The following TRMU variants were observed in gnomAD, a reference collection of about 807,000 sequenced individuals.
TRMU encodes the protein mitochondrial tRNA-specific 2-thiouridylase 1.
In TRMU, 49 loss-of-function variants were observed where a neutral mutation model predicts 46.9. The observed-to-expected ratio is 1.05, with a 90% CI of 0.83 to 1.33. The LOEUF is 1.33. Ranked by LOEUF, TRMU falls within the 40% of genes most tolerant of loss-of-function variation. The pLI is 0.00. For synonymous variants in TRMU, 241 were observed against 200.9 expected (o/e 1.20, Z -1.69); for missense variants, 572 against 532.4 (o/e 1.07, Z -0.73).
In TRMU at chr22:46,338,014, A is replaced by ACCAG; in HGVS notation, c.248+75_248+78dup. On this transcript the variant is annotated intron_variant, in intron 2 of 10. Transcript: ENST00000645190. The surrounding 1 kb of genome is among the most constrained non-coding windows in gnomAD (Gnocchi z 4.5). ...ATCCTTGCAGTGGAAGGATCCGGTA[A>ACCAG]CCAGCCAGACCGACGCCTGTGCTGC... 1 of 1,599,432 alleles carries ACCAG rather than the reference A, an allele frequency of 6.3e-7. No individual in the cohort carries two copies.
intron 2 of TRMU, among the ~76,000 whole-genome samples, chr22:46,340,221 T>G (rs2078085671): frequency 6.6e-6 from 1 of 152,198 alleles, no homozygotes; most frequent in Non-Finnish European, 1.5e-5. Context: ...TGTCAGGGTC[T>G]TTCTTTGAGA....
rs1389756817 is a variant in TRMU, at chr22:46,349,894, G to T, written c.479-397G>T. ...ACACATCCTGTGGTTGTTGGAAGAA[G>T]GCACAGCTGACACTATATCAGTGGA... On this transcript the variant is annotated intron_variant, in intron 4 of 10. Coordinates refer to ENST00000645190, the MANE Select transcript of TRMU (RefSeq NM_018006.5). The surrounding 1 kb of genome is among the most constrained non-coding windows in gnomAD (Gnocchi z 4.6). Among the ~76,000 whole-genome samples, 1 of 152,128 alleles carries T rather than the reference G, an allele frequency of 6.6e-6. No individual in the cohort carries two copies. Among genetic ancestry groups the T allele is most frequent in the Non-Finnish European group, 1.5e-5 (1 of 68,030 alleles).
In TRMU at chr22:46,339,465, A is replaced by G. The variant is rs920726430; in HGVS notation, c.248+1521A>G. On this transcript the variant is annotated intron_variant, in intron 2 of 10. Transcript: ENST00000645190. This position sits in a 1 kb window ranked among gnomAD's most constrained non-coding sequence, Gnocchi z 4.8. The stretch of plus-strand genomic sequence containing the variant: ...ACGCCAGCCTGCTATTTTTATTTTC[A>G]TTATTAAAAAGATGAGTCTGGGGAG... Among the ~76,000 whole-genome samples, 1 of 152,118 alleles carries G rather than the reference A, an allele frequency of 6.6e-6. No individual in the cohort carries two copies. Among genetic ancestry groups the G allele is most frequent in the Non-Finnish European group, 1.5e-5 (1 of 68,020 alleles).
Position 46,349,337 on chromosome 22 carries a change from C to A in TRMU, c.479-954C>A, listed in dbSNP as rs543177429. Among the ~76,000 whole-genome samples, 1 of 152,114 alleles carries A rather than the reference C, an allele frequency of 6.6e-6. No individual in the cohort carries two copies. Among genetic ancestry groups the A allele is most frequent in the African/African-American group, 2.4e-5 (1 of 41,418 alleles). On this transcript the variant is annotated intron_variant, in intron 4 of 10. Transcript: ENST00000645190. This position sits in a 1 kb window ranked among gnomAD's most constrained non-coding sequence, Gnocchi z 4.6. ...GCGAGTCATATGTGATGAACTGGGC[C>A]GGCTCCAGTCTCCCCTCTGTAACGT...
chr22:46,354,750 T>A (rs2078544730), intron 8 of TRMU: 1 of 153,060 alleles, frequency 6.5e-6, no homozygotes, highest in Non-Finnish European at 1.5e-5. Context: ...ACCAACGGCC[T>A]CCTGTCCCTG....
chr22:46,337,889 G>C lies in TRMU; in HGVS notation c.193G>C (p.Asp65His). Residue 65 changes from aspartate to histidine, a missense_variant, in exon 2 of 11, where the codon GAC becomes CAC. Asp to His is a moderately conservative substitution (Grantham distance 81). Coordinates refer to ENST00000645190, the MANE Select transcript of TRMU (RefSeq NM_018006.5). Reference protein sequence around the residue: ...EDAYRVCQILDIPFHQVSYVK... With the variant: ...EDAYRVCQILHIPFHQVSYVK... ...TGCTTACAGAGTTTGCCAGATCTTAGACATCCCTTTCCATCAAGTGTCCTA... is the reference window on the plus strand; with the variant it reads ...TGCTTACAGAGTTTGCCAGATCTTACACATCCCTTTCCATCAAGTGTCCTA... The C allele has an allele frequency of 6.2e-7, 1 of 1,614,244 alleles. No homozygotes were observed. Among genetic ancestry groups the C allele is most frequent in the East Asian group, 2.2e-5 (1 of 44,892 alleles).
At chr22:46,346,062 C>T (rs1432482877) in intron 3 of TRMU, among the ~76,000 whole-genome samples, 2 of 152,176 alleles carry the variant, frequency 1.3e-5, no homozygotes, top group Non-Finnish European at 2.9e-5. Flanking sequence ...TGAGCCACCG[C>T]GCCTGGCCTC....
intron 10 of TRMU, chr22:46,356,501 C>G (rs528079557): frequency 2.3e-6 from 1 of 429,746 alleles, no homozygotes; most frequent in African/African-American, 2.0e-5. Context: ...GTGAGGGAAG[C>G]GGAAGCATCC....
chr22:46,351,913 G>T lies in TRMU; in HGVS notation c.652-208G>T. Reference sequence around the variant, plus strand: ...CGCGCAGGGTCAGACCCCGCGGGCCGAGACAATGAGGCGTTCTCTAAGGCT... The same window carrying T: ...CGCGCAGGGTCAGACCCCGCGGGCCTAGACAATGAGGCGTTCTCTAAGGCT... On this transcript the variant is annotated intron_variant, in intron 5 of 10. Coordinates refer to ENST00000645190, the MANE Select transcript of TRMU (RefSeq NM_018006.5). The surrounding 1 kb of genome is among the most constrained non-coding windows in gnomAD (Gnocchi z 6.4). The T allele has an allele frequency of 2.8e-6, 2 of 703,406 alleles. No individual in the cohort carries two copies. The highest frequency in any genetic ancestry group is 1.7e-5 in the African/African-American group (1 of 57,262). The allele number at this position is 703,406 out of a possible 1,614,324, so 43.6% of individuals were successfully genotyped here.
At position 46,350,487 on chromosome 22, in the gene TRMU, A is replaced by G; in HGVS notation, c.651+24A>G. On this transcript the variant is annotated intron_variant, in intron 5 of 10. Transcript: ENST00000645190. This position sits in a 1 kb window ranked among gnomAD's most constrained non-coding sequence, Gnocchi z 4.6. ...AGGTACGAGTGAGCAGTTGCCTTTGATTAGTGCCTGTTTCCCTTTCCCGAC... is the reference window on the plus strand; with the variant it reads ...AGGTACGAGTGAGCAGTTGCCTTTGGTTAGTGCCTGTTTCCCTTTCCCGAC... The G allele has an allele frequency of 6.2e-7, 1 of 1,612,780 alleles. No individual in the cohort carries two copies. The highest frequency in any genetic ancestry group is 8.5e-7 in the Non-Finnish European group (1 of 1,179,886).
intron 1 of TRMU, 33 bp downstream of exon 1, chr22:46,335,879 G>C: frequency 6.5e-7 from 1 of 1,530,422 alleles, no homozygotes; most frequent in South Asian, 1.2e-5. Context: ...CCCCCGCCGA[G>C]CGAATGTGTC....
chr22:46,356,665 C>T, intron 10 of TRMU, 177 bp from the exon 11 acceptor site: 2 of 713,658 alleles, frequency 2.8e-6, no homozygotes, highest in Non-Finnish European at 4.7e-6. Flanking sequence ...CCACTGGGTG[C>T]CCCAGGCCTC....
intron 3 of TRMU, among the ~76,000 whole-genome samples, chr22:46,344,425 T>TA (rs2078199547): frequency 6.6e-6 from 1 of 152,244 alleles, no homozygotes; most frequent in Non-Finnish European, 1.5e-5. Flanking sequence ...TATCTGGAAA[T>TA]ATGTCCTCCC....
Position 46,349,959 on chromosome 22 carries a change from T to A in TRMU, c.479-332T>A, listed in dbSNP as rs930947991. On this transcript the variant is annotated intron_variant, in intron 4 of 10. Transcript: ENST00000645190. This position sits in a 1 kb window ranked among gnomAD's most constrained non-coding sequence, Gnocchi z 4.6. ...ACTAGCTTACTCCATTTTCCAAGATTTGGCTGAATTTATTTTAGGTGTTTT... is the reference window on the plus strand; with the variant it reads ...ACTAGCTTACTCCATTTTCCAAGATATGGCTGAATTTATTTTAGGTGTTTT... 6.6e-6 allele frequency among the ~76,000 whole-genome samples: 1 copy of A among 151,880 alleles called. No homozygotes were observed. The highest frequency in any genetic ancestry group is 2.1e-4 in the South Asian group (1 of 4,826).
chr22:46,352,395 A>T (rs2078458689), intron 7 of TRMU, 65 bp downstream of exon 7: 1 of 1,553,838 alleles, frequency 6.4e-7, no homozygotes, highest in Non-Finnish European at 8.9e-7. Context: ...CAGCTCTGGG[A>T]GACTAGACCA....
rs2078070199 is a variant in TRMU, at chr22:46,339,669, T to C, written c.248+1725T>C. 1.3e-5 allele frequency among the ~76,000 whole-genome samples: 2 copies of C among 152,078 alleles called. No homozygotes were observed. Among genetic ancestry groups the C allele is most frequent in the South Asian group, 2.1e-4 (1 of 4,830 alleles). On this transcript the variant is annotated intron_variant, in intron 2 of 10. Coordinates refer to ENST00000645190, the MANE Select transcript of TRMU (RefSeq NM_018006.5). The surrounding 1 kb of genome is among the most constrained non-coding windows in gnomAD (Gnocchi z 4.8). ...ATACCAGCTGTTGCCCAAAAAACCA[T>C]TGAAATAACAATAAAACGAAATTTA...
At position 46,351,831 on chromosome 22, in the gene TRMU, T is replaced by C; in HGVS notation, c.652-290T>C. 4 of 513,432 alleles carry C rather than the reference T, an allele frequency of 7.8e-6. No homozygotes were observed. The highest frequency in any genetic ancestry group is 5.5e-4 in the Middle Eastern group (1 of 1,818). 31.8% of individuals were successfully genotyped at this position (513,432 alleles called of 1,614,324 possible). On this transcript the variant is annotated intron_variant, in intron 5 of 10. Coordinates refer to ENST00000645190, the MANE Select transcript of TRMU (RefSeq NM_018006.5). The surrounding 1 kb of genome is among the most constrained non-coding windows in gnomAD (Gnocchi z 6.4). ...CCCCACTCCTCGCAGGACAGTGGCC[T>C]GAAGGACCTGACCGGGTTCTGCTTT...
At chr22:46,345,571 G>A (rs138791277) in intron 3 of TRMU, among the ~76,000 whole-genome samples, 1 of 152,182 alleles carries the variant, frequency 6.6e-6, no homozygotes, top group East Asian at 1.9e-4. Context: ...AGAATCAAAG[G>A]AATAGACCTG....
At position 46,344,856 on chromosome 22, in the gene TRMU, C is replaced by T. The variant is rs151331319; in HGVS notation, c.355+1488C>T. ...AGTGGATTGTTTTCTCTAGGAGAAC[C>T]TCAGTCAAGATGAGATTATGTGTCT... On this transcript the variant is annotated intron_variant, in intron 3 of 10. Coordinates refer to ENST00000645190, the MANE Select transcript of TRMU (RefSeq NM_018006.5). Among the ~76,000 whole-genome samples, 21 of 152,274 alleles carry T rather than the reference C, an allele frequency of 1.4e-4. No homozygotes were observed. The East Asian group carries it at 3.9e-3, about 28-fold the overall frequency.
Sources: gnomAD v4.1 joint callset for allele counts (sites outside exome capture counted in the v4.1 genomes callset) on GRCh38, gnomAD v4.1.1 for gene constraint, Gnocchi (gnomAD v3.1) non-coding constraint, MANE v1.5 for transcripts, NCBI Gene and HGNC (gene_info 2026-07-23, HGNC 2026-07-21) for gene names.